SHISAL2B: variants seen among roughly 807,000 people sequenced by gnomAD.
The protein encoded by SHISAL2B is shisa like 2B, also known as protein shisa-like-2B.
Under a neutral mutation model 16.5 loss-of-function variants are expected in SHISAL2B, and 12 were observed. The observed-to-expected ratio is 0.73, with a 90% CI of 0.47 to 1.18. The LOEUF (loss-of-function observed/expected upper bound fraction) is 1.18. Among genes scored for constraint, SHISAL2B ranks in the 50% most tolerant of loss-of-function variants. The pLI, the probability that SHISAL2B is intolerant of heterozygous loss-of-function variation, is 0.00. For missense variants in SHISAL2B, 183 were observed against 193.6 expected, an observed-to-expected ratio of 0.95 and a Z score of 0.33; for synonymous variants, 72 against 75.0, an observed-to-expected ratio of 0.96 and a Z score of 0.21.
intron 2 of SHISAL2B, 110 bp downstream of exon 2, chr5:64,695,774 C>T (rs2112056912): frequency 1.3e-6 from 1 of 759,996 alleles, no homozygotes; most frequent in African/African-American, 1.8e-5. Context: ...AAATTCAGTT[C>T]ACTATGTGTC....
At chr5:64,694,019 T>C in intron 1 of SHISAL2B, 1 of 450,074 alleles carries the variant, frequency 2.2e-6, no homozygotes, top group South Asian at 1.6e-5. Context: ...TCTGTTCTCC[T>C]TCCTCCCAAA....
chr5:64,690,858 G>T, intron 1 of SHISAL2B, 44 bp downstream of exon 1: 1 of 1,445,820 alleles, frequency 6.9e-7, no homozygotes, highest in South Asian at 1.4e-5. Flanking sequence ...CGAGCCCGGG[G>T]CTAGGGAGGC....
At position 64,690,765 on chromosome 5, in the gene SHISAL2B, G is replaced by C; in HGVS notation, c.142G>C (p.Glu48Gln). The change falls in exon 1 of 3, where the codon GAG becomes CAG. Residue 48 changes from glutamate to glutamine, a missense_variant. Glu to Gln is a conservative substitution (Grantham distance 29). Transcript: ENST00000389074. ...CGCCGACCTCAAGTACTGCTGCAGC[G>C]AGCCGGGCAGCTACTTCCCCTACAA... ...GFADLKYCCS[E>Q]PGSYFPYKHS... The C allele has an allele frequency of 1.3e-6, 2 of 1,543,836 alleles. No homozygotes were observed. The highest frequency in any genetic ancestry group is 1.7e-4 in the Middle Eastern group (1 of 5,992).
At chr5:64,702,948 A>T (rs983567724) in intron 2 of SHISAL2B, among the ~76,000 whole-genome samples, 3 of 152,190 alleles carry the variant, frequency 2.0e-5, no homozygotes, top group African/African-American at 7.2e-5. Context: ...TTAAGCTAAT[A>T]ATATACTTTA....
intron 2 of SHISAL2B, among the ~76,000 whole-genome samples, chr5:64,717,013 G>C (rs1354954402): frequency 6.6e-6 from 1 of 152,148 alleles, no homozygotes; most frequent in South Asian, 2.1e-4. Context: ...TTGCATGTAG[G>C]GTGAGAGAAA....
chr5:64,703,921 T>C (rs1329825367), intron 2 of SHISAL2B, among the ~76,000 whole-genome samples: 5 of 152,280 alleles, frequency 3.3e-5, no homozygotes, highest in South Asian at 2.1e-4. Context: ...CTTCACCGTT[T>C]AGCTCACACC....
chr5:64,715,631 C>G (rs1252011796), intron 2 of SHISAL2B, among the ~76,000 whole-genome samples: 1 of 152,134 alleles, frequency 6.6e-6, no homozygotes, highest in East Asian at 1.9e-4. Flanking sequence ...ATCAGCCTAA[C>G]CAAGTTTATG....
At chr5:64,697,007 G>A (rs1305146241) in intron 2 of SHISAL2B, among the ~76,000 whole-genome samples, 1 of 152,130 alleles carries the variant, frequency 6.6e-6, no homozygotes, top group African/African-American at 2.4e-5. Flanking sequence ...TGGTTTTGCG[G>A]CTCAGGTGGG....
chr5:64,694,236 T>G lies in SHISAL2B; in HGVS notation c.192-1271T>G, dbSNP rs560273812. ...GGCAGTCAATTATTATTTATTTACA[T>G]TTATTGAACATTTTCTACAAGCTAA... On this transcript the variant is annotated intron_variant, in intron 1 of 2. Coordinates refer to ENST00000389074, the MANE Select transcript of SHISAL2B (RefSeq NM_001164442.2). 160 of 367,486 alleles carry G rather than the reference T, an allele frequency of 4.4e-4. 1 individual carries two copies. The highest frequency in any genetic ancestry group is 1.1e-3 in the Admixed American group (32 of 27,946). 22.8% of individuals were successfully genotyped at this position (367,486 alleles called of 1,614,324 possible). A position where few individuals can be genotyped will look rare whatever the true frequency, so the allele number is the denominator to read the frequency against.
Position 64,705,859 on chromosome 5 carries a change from G to C in SHISAL2B, c.349+10195G>C, listed in dbSNP as rs147635383. 2.3e-3 allele frequency among the ~76,000 whole-genome samples: 347 copies of C among 152,234 alleles called. 3 individuals carry two copies. Among genetic ancestry groups the C allele is most frequent in the African/African-American group, 7.9e-3 (330 of 41,546 alleles). On this transcript the variant is annotated intron_variant, in intron 2 of 2. Coordinates refer to ENST00000389074, the MANE Select transcript of SHISAL2B (RefSeq NM_001164442.2). ...TATTTTAAGGAGACATGAGACATCA[G>C]TTAATATGTGTAAGATGGGCTGGGT...
chr5:64,716,137 T>G (rs1252994167), intron 2 of SHISAL2B, among the ~76,000 whole-genome samples: 1 of 152,230 alleles, frequency 6.6e-6, no homozygotes, highest in East Asian at 1.9e-4. Context: ...CTAGCAAGAT[T>G]AAAACTTTTT....
intron 2 of SHISAL2B, among the ~76,000 whole-genome samples, chr5:64,715,731 T>C (rs1742040100): frequency 6.6e-6 from 1 of 152,232 alleles, no homozygotes; most frequent in Admixed American, 6.5e-5. Flanking sequence ...GCTGATAGTT[T>C]TACATTCTTC....
At chr5:64,715,347 A>G (rs1742030967) in intron 2 of SHISAL2B, among the ~76,000 whole-genome samples, 1 of 152,120 alleles carries the variant, frequency 6.6e-6, no homozygotes. Context: ...TGAAAAGAAG[A>G]GGATGTACAG....
chr5:64,700,512 G>A (rs1283846611), intron 2 of SHISAL2B, among the ~76,000 whole-genome samples: 1 of 152,148 alleles, frequency 6.6e-6, no homozygotes, highest in African/African-American at 2.4e-5. Flanking sequence ...CCTGTTTCAA[G>A]CCATTCTCCC....
At chr5:64,706,880 T>C (rs986653241) in intron 2 of SHISAL2B, among the ~76,000 whole-genome samples, 1 of 151,588 alleles carries the variant, frequency 6.6e-6, no homozygotes, top group Non-Finnish European at 1.5e-5. Context: ...GTAGGAAAAA[T>C]AGGGGAAAAA....
chr5:64,705,429 T>C (rs1741863303), intron 2 of SHISAL2B, among the ~76,000 whole-genome samples: 1 of 152,206 alleles, frequency 6.6e-6, no homozygotes, highest in African/African-American at 2.4e-5. Context: ...ACTATGAATT[T>C]AAGTATGTAA....
chr5:64,695,688 A>G (rs1234673014), intron 2 of SHISAL2B, 24 bp downstream of exon 2: 2 of 1,469,062 alleles, frequency 1.4e-6, no homozygotes, highest in African/African-American at 2.8e-5. Context: ...ATTATTTGTT[A>G]CCAATTACCT....
intron 2 of SHISAL2B, among the ~76,000 whole-genome samples, chr5:64,699,298 A>G (rs550815301): frequency 6.6e-6 from 1 of 152,346 alleles, no homozygotes; most frequent in East Asian, 1.9e-4. Context: ...TTTTAACCAA[A>G]TTAGATATAG....
At chr5:64,703,831 C>T (rs945962692) in intron 2 of SHISAL2B, among the ~76,000 whole-genome samples, 4 of 152,112 alleles carry the variant, frequency 2.6e-5, no homozygotes, top group Admixed American at 6.5e-5. Context: ...AATTTTTTGA[C>T]TGTGCTTATG....
Sources: allele counts gnomAD v4.1 joint callset (sites outside exome capture counted in the v4.1 genomes callset), GRCh38; gene constraint gnomAD v4.1.1; transcripts MANE v1.5; gene names NCBI Gene and HGNC (gene_info 2026-07-23, HGNC 2026-07-21).